CDH12: variants seen among roughly 807,000 people sequenced by gnomAD.
CDH12 encodes cadherin 12.
A neutral mutation model predicts 74.1 loss-of-function variants in CDH12; 41 were observed. That is an observed-to-expected ratio of 0.55 (90% CI 0.43 to 0.72). The LOEUF (loss-of-function observed/expected upper bound fraction) is 0.72. Ranked by LOEUF, CDH12 falls within the 30% of genes least tolerant of loss-of-function variation. The pLI, the probability that CDH12 is intolerant of heterozygous loss-of-function variation, is 0.00. For synonymous variants in CDH12, 399 were observed against 355.0 expected (o/e 1.12, Z -1.39); for missense variants, 945 against 977.2 (o/e 0.97, Z 0.44).
chr5:21,985,935 T>C, intron 5 of CDH12, among the ~76,000 whole-genome samples: 1 of 152,140 alleles, frequency 6.6e-6, no homozygotes, highest in East Asian at 1.9e-4. Flanking sequence ...TGCCCAAGAA[T>C]ATTTAACATT....
chr5:22,400,342 T>G (rs1426413170), intron 3 of CDH12, among the ~76,000 whole-genome samples: 1 of 152,154 alleles, frequency 6.6e-6, no homozygotes, highest in African/African-American at 2.4e-5. Flanking sequence ...TATATAGGGA[T>G]CTTGGAGTTT....
intron 1 of CDH12, among the ~76,000 whole-genome samples, chr5:22,705,130 TACACACACAC>T (rs1554060406): frequency 1.6e-5 from 2 of 125,546 alleles, no homozygotes; most frequent in African/African-American, 6.1e-5. Flanking sequence ...TATATATATA[TACACACACAC>T]ACACACACAC....
At chr5:22,249,628 T>A (rs1193237958) in intron 3 of CDH12, among the ~76,000 whole-genome samples, 1 of 152,156 alleles carries the variant, frequency 6.6e-6, no homozygotes, top group Non-Finnish European at 1.5e-5. Context: ...ATGATTACAA[T>A]TCAGAATGGA....
chr5:22,426,474 G>A (rs1156884062), intron 2 of CDH12, among the ~76,000 whole-genome samples: 2 of 151,856 alleles, frequency 1.3e-5, no homozygotes, highest in Non-Finnish European at 2.9e-5. Flanking sequence ...GACTTCCCAT[G>A]AGACAAAATC....
At chr5:22,056,318 C>G (rs1401293427) in intron 5 of CDH12, among the ~76,000 whole-genome samples, 4 of 152,072 alleles carry the variant, frequency 2.6e-5, no homozygotes, top group Non-Finnish European at 4.4e-5. Context: ...TAAATGTTTT[C>G]CATCTGTGCT....
intron 4 of CDH12, among the ~76,000 whole-genome samples, chr5:22,172,150 C>T (rs1265062063): frequency 1.3e-5 from 2 of 151,930 alleles, no homozygotes; most frequent in Admixed American, 6.6e-5. Context: ...TCTAATGTTT[C>T]ATCAAGTGAA....
chr5:21,871,676 G>A (rs1172231246), intron 6 of CDH12, among the ~76,000 whole-genome samples: 2 of 152,120 alleles, frequency 1.3e-5, no homozygotes, highest in South Asian at 2.1e-4. Flanking sequence ...GCAATGAGCC[G>A]AGATTGCACC....
intron 3 of CDH12, among the ~76,000 whole-genome samples, chr5:22,394,206 T>C (rs1050694418): frequency 6.6e-6 from 1 of 152,132 alleles, no homozygotes; most frequent in Non-Finnish European, 1.5e-5. Flanking sequence ...AATCTCATTA[T>C]AATCTGAGAA....
In CDH12 at chr5:22,682,147, C is replaced by T. The variant is rs527617134; in HGVS notation, c.-523+170911G>A. On this transcript the variant is annotated intron_variant, in intron 1 of 14. Coordinates refer to ENST00000382254, the MANE Select transcript of CDH12 (RefSeq NM_004061.5). ...CCTGGCACATATGTAATCTGGTTTA[C>T]GCAATGTGCTAGAACTTGTTCAATA... is the stretch of plus-strand genomic sequence containing the variant. Among the ~76,000 whole-genome samples the T allele has an allele frequency of 3.9e-5, 6 of 152,100 alleles. No homozygotes were observed. In the South Asian group the frequency reaches 8.3e-4, roughly 21 times the overall value.
At chr5:22,452,251 A>T (rs1216835885) in intron 2 of CDH12, among the ~76,000 whole-genome samples, 1 of 151,932 alleles carries the variant, frequency 6.6e-6, no homozygotes, top group Admixed American at 6.6e-5. Flanking sequence ...ACAAAATATC[A>T]CAAGGAACCA....
intron 3 of CDH12, among the ~76,000 whole-genome samples, chr5:22,311,463 C>T (rs566715487): frequency 3.9e-5 from 6 of 151,964 alleles, no homozygotes; most frequent in Middle Eastern, 3.4e-3. Flanking sequence ...CCACCACTTT[C>T]GGAGGCCTAG....
intron 4 of CDH12, 55 bp downstream of exon 4, chr5:22,212,443 A>T (rs1239192967): frequency 2.1e-6 from 1 of 480,218 alleles, no homozygotes; most frequent in Admixed American, 6.4e-5. Flanking sequence ...GTCAGTTAGA[A>T]CTTTCAATGC....
chr5:22,482,355 T>G (rs1746416259), intron 2 of CDH12, among the ~76,000 whole-genome samples: 1 of 152,144 alleles, frequency 6.6e-6, no homozygotes, highest in Non-Finnish European at 1.5e-5. Flanking sequence ...TAGCTGATCA[T>G]TTGCTCTCTT....
intron 3 of CDH12, among the ~76,000 whole-genome samples, chr5:22,342,413 A>G (rs562358937): frequency 6.6e-6 from 1 of 152,324 alleles, no homozygotes; most frequent in South Asian, 2.1e-4. Flanking sequence ...TTGTAGGAAC[A>G]TAAGGGCTTG....
chr5:22,567,046 A>T (rs892786612), intron 1 of CDH12, among the ~76,000 whole-genome samples: 2 of 152,164 alleles, frequency 1.3e-5, no homozygotes, highest in African/African-American at 4.8e-5. Context: ...CAAAAAAGTT[A>T]CTCAGTCTAG....
intron 1 of CDH12, among the ~76,000 whole-genome samples, chr5:22,651,855 T>A (rs1336912449): frequency 6.6e-6 from 1 of 151,990 alleles, no homozygotes; most frequent in East Asian, 1.9e-4. Context: ...TATCTGTTTT[T>A]TAAAAAAAGA....
intron 3 of CDH12, among the ~76,000 whole-genome samples, chr5:22,277,435 G>C (rs1736682379): frequency 6.6e-6 from 1 of 152,178 alleles, no homozygotes; most frequent in Middle Eastern, 3.4e-3. Flanking sequence ...GAGAAGGTAG[G>C]GTGGCTAGGA....
In CDH12 at chr5:22,574,141, G is replaced by A. The variant is rs574363298; in HGVS notation, c.-522-68777C>T. On this transcript the variant is annotated intron_variant, in intron 1 of 14. Transcript: ENST00000382254. ...GTCTCCTAGGCTGGAGTGCAGTGGC[G>A]TGATCTCAGCTCACTGCAACCTCTG... Among the ~76,000 whole-genome samples the A allele has an allele frequency of 1.4e-4, 19 of 140,388 alleles. 1 individual carries two copies. The Admixed American group carries it at 1.4e-3, about 10-fold the overall frequency. The allele number at this position is 140,388 out of a possible 152,430, so 92.1% of individuals were successfully genotyped here.
At chr5:22,595,362 T>A (rs528450901) in intron 1 of CDH12, among the ~76,000 whole-genome samples, 83 of 152,298 alleles carry the variant, frequency 5.4e-4, no homozygotes, top group African/African-American at 1.9e-3. Context: ...TATTTTGGCA[T>A]ATGATTTCAA....
Sources: allele counts gnomAD v4.1 joint callset (sites outside exome capture counted in the v4.1 genomes callset), GRCh38; gene constraint gnomAD v4.1.1; transcripts MANE v1.5; gene names NCBI Gene and HGNC (gene_info 2026-07-23, HGNC 2026-07-21).